The following PRIM2 variants were observed in gnomAD, a reference collection of about 807,000 sequenced individuals.
PRIM2 encodes DNA primase large subunit.
A neutral mutation model predicts 67.3 loss-of-function variants in PRIM2; 39 were observed. That is an observed-to-expected ratio of 0.58 (90% confidence interval 0.45 to 0.76). The LOEUF (loss-of-function observed/expected upper bound fraction) is 0.76. Among genes scored for constraint, PRIM2 ranks in the 30% least tolerant of loss-of-function variants. The pLI, the probability that PRIM2 is intolerant of heterozygous loss-of-function variation, is 0.00. For missense variants in PRIM2, 398 were observed against 598.7 expected (o/e 0.66, Z 3.50); for synonymous variants, 143 against 198.7 (o/e 0.72, Z 2.36).
rs1645926513 is a variant in PRIM2, at chr6:57,417,069, C to CAATT, written c.693+34902_693+34905dup. Reference sequence around the variant, plus strand: ...GCAGTCTCCGCCTCCTGGGTTCAAGCAATTCTCCTGCCTCAGCCTCCCGAG... The same window carrying CAATT: ...GCAGTCTCCGCCTCCTGGGTTCAAGCAATTAATTCTCCTGCCTCAGCCTCCCGAG... On this transcript the variant is annotated intron_variant, in intron 7 of 13. Coordinates refer to ENST00000615550, the MANE Select transcript of PRIM2 (RefSeq NM_000947.5). Among the ~76,000 whole-genome samples the CAATT allele has an allele frequency of 3.3e-5, 5 of 151,966 alleles. No homozygotes were observed. In the South Asian group the frequency reaches 1.0e-3, roughly 32 times the overall value.
chr6:57,343,257 G>A (rs1223962743), intron 5 of PRIM2, among the ~76,000 whole-genome samples: 1 of 151,976 alleles, frequency 6.6e-6, no homozygotes, highest in Non-Finnish European at 1.5e-5. Flanking sequence ...GTATAGTTTG[G>A]GTTGTCATAG....
chr6:57,555,847 C>T (rs1210953278), intron 10 of PRIM2, among the ~76,000 whole-genome samples: 2 of 152,234 alleles, frequency 1.3e-5, no homozygotes, highest in African/African-American at 4.8e-5. Flanking sequence ...TGCTGAACAC[C>T]TGGCTAAATT....
intron 5 of PRIM2, among the ~76,000 whole-genome samples, chr6:57,339,475 C>T (rs1454507147): frequency 1.4e-4 from 22 of 152,036 alleles, no homozygotes; most frequent in Non-Finnish European, 7.4e-5. Context: ...GCTACAGTAA[C>T]CAAAACAGCA....
intron 8 of PRIM2, among the ~76,000 whole-genome samples, chr6:57,523,988 ATC>A (rs1774686927): frequency 6.6e-6 from 1 of 151,830 alleles, no homozygotes; most frequent in African/African-American, 2.4e-5. Flanking sequence ...CCTTTTATAT[ATC>A]CATGGTATTT....
At chr6:57,385,764 A>T (rs1214412112) in intron 7 of PRIM2, among the ~76,000 whole-genome samples, 1 of 152,122 alleles carries the variant, frequency 6.6e-6, no homozygotes, top group African/African-American at 2.4e-5. Flanking sequence ...GGTTTATCTG[A>T]TGTTTCTGCC....
At chr6:57,453,615 G>C (rs1772639799) in intron 7 of PRIM2, among the ~76,000 whole-genome samples, 1 of 152,170 alleles carries the variant, frequency 6.6e-6, no homozygotes, top group African/African-American at 2.4e-5. Flanking sequence ...AAGAATGCTT[G>C]TGATTTTTGC....
intron 8 of PRIM2, among the ~76,000 whole-genome samples, 161 bp downstream of exon 8, chr6:57,507,615 GTTACCCTTACTTTAT>G (rs1377282398): frequency 2.6e-5 from 4 of 151,568 alleles, no homozygotes; most frequent in African/African-American, 9.7e-5. Context: ...CCATGTACTT[GTTACCCTTACTTTAT>G]TTAGGGCACT....
rs958307446 is a variant in PRIM2, at chr6:57,335,560, C to T, written c.459+9515C>T. On this transcript the variant is annotated intron_variant, in intron 5 of 13. Coordinates refer to ENST00000615550, the MANE Select transcript of PRIM2 (RefSeq NM_000947.5). ...CTCAAGTGGGTCCCTGACCCCTGAC[C>T]CCCGAGCAGCCTAACTGGGAGGCAC... 1.7e-3 allele frequency among the ~76,000 whole-genome samples: 264 copies of T among 152,282 alleles called. 1 individual carries two copies. Among genetic ancestry groups the T allele is most frequent in the African/African-American group, 6.1e-3 (252 of 41,564 alleles).
chr6:57,559,579 C>T (rs1775588960), intron 10 of PRIM2, among the ~76,000 whole-genome samples: 1 of 152,106 alleles, frequency 6.6e-6, no homozygotes, highest in Non-Finnish European at 1.5e-5. Flanking sequence ...TAGAATAGTA[C>T]ATAGGATACT....
chr6:57,248,323 A>G, the PRIM2 span, among the ~76,000 whole-genome samples: 1 of 152,214 alleles, frequency 6.6e-6, no homozygotes, highest in East Asian at 1.9e-4. Flanking sequence ...AACTTACCTA[A>G]TTGTCTTTAG....
chr6:57,246,286 C>T, the PRIM2 span, among the ~76,000 whole-genome samples: 1 of 152,176 alleles, frequency 6.6e-6, no homozygotes, highest in Non-Finnish European at 1.5e-5. Flanking sequence ...TAACTACTTA[C>T]ATTTGAAGTG....
At chr6:57,321,089 G>C (rs916433545) in intron 3 of PRIM2, among the ~76,000 whole-genome samples, 3 of 152,146 alleles carry the variant, frequency 2.0e-5, no homozygotes, top group African/African-American at 7.2e-5. Context: ...TGTTAGGAGG[G>C]AAACCAGTTA....
chr6:57,597,165 G>T (rs1390657671), intron 10 of PRIM2, among the ~76,000 whole-genome samples: 2 of 152,126 alleles, frequency 1.3e-5, no homozygotes, highest in Non-Finnish European at 2.9e-5. Flanking sequence ...AAATTCCATT[G>T]CAACAAGAAA....
intron 5 of PRIM2, among the ~76,000 whole-genome samples, chr6:57,353,252 C>T (rs1412550554): frequency 2.0e-5 from 3 of 151,548 alleles, no homozygotes; most frequent in African/African-American, 7.3e-5. Context: ...TACAATATCA[C>T]CACTTGAGTA....
intron 7 of PRIM2, among the ~76,000 whole-genome samples, chr6:57,390,662 GT>G (rs1240774347): frequency 6.6e-6 from 1 of 152,266 alleles, no homozygotes; most frequent in East Asian, 1.9e-4. Flanking sequence ...TCTTGGGTTA[GT>G]TTGCTAGTTA....
chr6:57,639,760 A>G (rs1304220193), intron 13 of PRIM2, among the ~76,000 whole-genome samples: 1 of 151,812 alleles, frequency 6.6e-6, no homozygotes, highest in Non-Finnish European at 1.5e-5. Context: ...CCAAAAAAAA[A>G]AAGCCCAGAA....
chr6:57,413,269 T>G (rs556427540), intron 7 of PRIM2, among the ~76,000 whole-genome samples: 1 of 151,858 alleles, frequency 6.6e-6, no homozygotes, highest in African/African-American at 2.4e-5. Context: ...AAGGAAAAAA[T>G]GGAGGGGAAT....
the PRIM2 span, among the ~76,000 whole-genome samples, chr6:57,223,483 T>G: frequency 1.3e-5 from 2 of 152,210 alleles, no homozygotes; most frequent in East Asian, 3.8e-4. Flanking sequence ...TTAATAATTT[T>G]AAAAATTAGT....
At chr6:57,645,123 C>T (rs1187726124) in intron 13 of PRIM2, among the ~76,000 whole-genome samples, 2 of 152,012 alleles carry the variant, frequency 1.3e-5, no homozygotes, top group African/African-American at 4.8e-5. Flanking sequence ...AGTGCATATG[C>T]CAGACTTACA....
Sources: allele counts gnomAD v4.1 joint callset (sites outside exome capture counted in the v4.1 genomes callset), GRCh38; gene constraint gnomAD v4.1.1; transcripts MANE v1.5; gene names NCBI Gene and HGNC (gene_info 2026-07-23, HGNC 2026-07-21).